IMPG1: variants seen among roughly 807,000 people sequenced by gnomAD.
IMPG1 encodes the protein interphotoreceptor matrix proteoglycan 1, also known as interphotoreceptor matrix proteoglycan of 150 kDa.
A neutral mutation model predicts 92.0 loss-of-function variants in IMPG1; 85 were observed. That is an observed-to-expected ratio of 0.92 (90% CI 0.78 to 1.11). The LOEUF is 1.11. IMPG1 is among the 50% of genes least tolerant of loss of function. IMPG1 has a pLI of 0.00. For synonymous variants in IMPG1, 367 were observed against 334.1 expected (o/e 1.10, Z -1.08); for missense variants, 1,022 against 956.0 (o/e 1.07, Z -0.91).
At chr6:76,005,214 T>G in intron 10 of IMPG1, 73 bp downstream of exon 10, 3 of 1,468,234 alleles carry the variant, frequency 2.0e-6, no homozygotes, top group Non-Finnish European at 2.8e-6. Context: ...AATGACAGTT[T>G]CCATGAGACA....
At position 75,950,619 on chromosome 6, in the gene IMPG1, G is replaced by A; in HGVS notation, c.1767C>T (p.Asp589=). 1 of 1,613,828 alleles carries A rather than the reference G, an allele frequency of 6.2e-7. No homozygotes were observed. Among genetic ancestry groups the A allele is most frequent in the Non-Finnish European group, 8.5e-7 (1 of 1,179,844 alleles). ...LRVANMAFSN[D]LFNKSSLEYR... ...ACTCCAGAGAGCTCTTGTTGAACAG[G>A]TCGTTGGAGAAGGCCATGTTAGCAA... is the stretch of plus-strand genomic sequence containing the variant. Residue 589 remains aspartate, a synonymous_variant, in exon 13 of 17, where the codon GAC becomes GAT. Coordinates refer to ENST00000369950, the MANE Select transcript of IMPG1 (RefSeq NM_001563.4).
chr6:76,013,089 G>C (rs1783218248), intron 7 of IMPG1, among the ~76,000 whole-genome samples: 1 of 152,170 alleles, frequency 6.6e-6, no homozygotes, highest in African/African-American at 2.4e-5. Context: ...AGTGGGCAGA[G>C]AAGAAATGGT....
intron 7 of IMPG1, among the ~76,000 whole-genome samples, chr6:76,015,538 C>A (rs537998620): frequency 6.6e-6 from 1 of 152,018 alleles, no homozygotes; most frequent in African/African-American, 2.4e-5. Context: ...CGGTAGCTCA[C>A]GCCTGTAATC....
chr6:75,952,964 G>A (rs1291343901), intron 12 of IMPG1, among the ~76,000 whole-genome samples: 1 of 152,130 alleles, frequency 6.6e-6, no homozygotes, highest in Non-Finnish European at 1.5e-5. Flanking sequence ...ATTTCATTAT[G>A]GAAGTCTGAG....
chr6:75,999,966 C>A (rs1404804106), intron 12 of IMPG1, among the ~76,000 whole-genome samples: 1 of 152,286 alleles, frequency 6.6e-6, no homozygotes, highest in Non-Finnish European at 1.5e-5. Context: ...CCAGGGAGGG[C>A]CTTAAAGGAA....
Position 76,005,478 on chromosome 6 carries a change from G to A in IMPG1, c.944C>T (p.Ala315Val). ...CAGGAGGTCACTTGCAGGGCTTTTT[G>A]CTTCTGCACTGTGTCTCTTAAAGAT... is the stretch of plus-strand genomic sequence containing the variant. ...TAIFKRHSAE[A>V]KSPASDLLSF... The change falls in exon 10 of 17, where the codon GCA becomes GTA. Residue 315 changes from alanine to valine, a missense_variant. Physicochemically the swap from Ala to Val is moderately conservative, Grantham distance 64. Transcript: ENST00000369950. The A allele has an allele frequency of 2.5e-6, 4 of 1,613,708 alleles. No individual in the cohort carries two copies. Among genetic ancestry groups the A allele is most frequent in the Non-Finnish European group, 3.4e-6 (4 of 1,179,712 alleles).
At chr6:76,068,692 T>C (rs1784353035) in intron 1 of IMPG1, among the ~76,000 whole-genome samples, 1 of 151,774 alleles carries the variant, frequency 6.6e-6, no homozygotes, top group Non-Finnish European at 1.5e-5. Context: ...AATTTTTATA[T>C]TTTTAGTATA....
At chr6:76,035,500 A>G (rs1582120811) in intron 2 of IMPG1, among the ~76,000 whole-genome samples, 1 of 2,812 alleles carries the variant, frequency 3.6e-4, no homozygotes, top group Non-Finnish European at 1.4e-3. Context: ...ACTCCGTCTC[A>G]AAAAAAAAAA....
intron 12 of IMPG1, among the ~76,000 whole-genome samples, chr6:75,982,038 C>G (rs1033670052): frequency 2.0e-5 from 3 of 152,086 alleles, no homozygotes; most frequent in African/African-American, 7.2e-5. Context: ...TTTTATTTTA[C>G]AGAAGATTTT....
At chr6:75,931,957 G>A (rs1275649110) in intron 14 of IMPG1, among the ~76,000 whole-genome samples, 6 of 152,172 alleles carry the variant, frequency 3.9e-5, no homozygotes, top group African/African-American at 2.4e-5. Flanking sequence ...GCAACTGACC[G>A]GAGTCCTCAA....
At chr6:75,924,689 TATA>T (rs1781511347) in intron 15 of IMPG1, among the ~76,000 whole-genome samples, 1 of 174 alleles carries the variant, frequency 5.7e-3, no homozygotes, top group African/African-American at 0.011. Context: ...ATATATTATA[TATA>T]AATAATTATA....
intron 9 of IMPG1, among the ~76,000 whole-genome samples, chr6:76,006,398 G>C (rs1301506152): frequency 6.9e-6 from 1 of 145,946 alleles, no homozygotes; most frequent in East Asian, 2.0e-4. Flanking sequence ...TATATATATA[G>C]TATATATATG....
intron 1 of IMPG1, among the ~76,000 whole-genome samples, chr6:76,069,732 A>C (rs997058737): frequency 1.0e-5 from 1 of 96,044 alleles, no homozygotes; most frequent in Non-Finnish European, 2.2e-5. Flanking sequence ...CTAGGTGCCC[A>C]TCATTGGTTG....
chr6:76,039,026 C>T (rs938376517), intron 2 of IMPG1, among the ~76,000 whole-genome samples: 8 of 152,252 alleles, frequency 5.3e-5, no homozygotes, highest in African/African-American at 1.9e-4. Flanking sequence ...GTTCTACCCC[C>T]GTTCTGCTGC....
At chr6:76,044,876 C>T (rs1011989123) in intron 1 of IMPG1, among the ~76,000 whole-genome samples, 7 of 152,244 alleles carry the variant, frequency 4.6e-5, no homozygotes, top group South Asian at 2.1e-4. Context: ...TGACAGGGAT[C>T]CTATTTGATA....
chr6:76,072,355 A>T, intron 1 of IMPG1, 67 bp downstream of exon 1: 1 of 869,192 alleles, frequency 1.2e-6, no homozygotes, highest in Non-Finnish European at 1.8e-6. Context: ...TGTTGGTTCT[A>T]AATATTCACT....
chr6:75,955,507 G>C (rs984420868), intron 12 of IMPG1, among the ~76,000 whole-genome samples: 3 of 152,166 alleles, frequency 2.0e-5, no homozygotes, highest in Admixed American at 1.3e-4. Context: ...GGGCTGGGAT[G>C]ATGGGGTTTT....
chr6:75,937,975 A>G (rs1781775520), intron 14 of IMPG1, among the ~76,000 whole-genome samples: 1 of 152,242 alleles, frequency 6.6e-6, no homozygotes, highest in Admixed American at 6.5e-5. Context: ...TTTTCACAGC[A>G]GCCTAAATGA....
intron 12 of IMPG1, among the ~76,000 whole-genome samples, chr6:75,974,428 G>C (rs60621445): frequency 0.41 from 37,406 of 92,308 alleles, 8,033 homozygotes; most frequent in East Asian, 0.61. Flanking sequence ...TTCCTTCCTT[G>C]CTTCCTTCCT....
Sources: gnomAD v4.1 joint callset for allele counts (sites outside exome capture counted in the v4.1 genomes callset) on GRCh38, gnomAD v4.1.1 for gene constraint, MANE v1.5 for transcripts, NCBI Gene and HGNC (gene_info 2026-07-23, HGNC 2026-07-21) for gene names.